OCA2: variants seen among roughly 807,000 people sequenced by gnomAD.
The protein encoded by OCA2 is OCA2 melanosomal transmembrane protein, also known as P protein.
OCA2 carries 77 observed loss-of-function variants against 100.2 expected under a neutral mutation model. The observed-to-expected ratio is 0.77, with a 90% CI of 0.64 to 0.93. OCA2 has a LOEUF of 0.93. OCA2 is among the 40% of genes least tolerant of loss of function. OCA2 has a pLI of 0.00. For missense variants in OCA2, 1,062 were observed against 1,089.1 expected, an observed-to-expected ratio of 0.98 and a Z score of 0.35; for synonymous variants, 432 against 439.2, an observed-to-expected ratio of 0.98 and a Z score of 0.21.
rs139696407 is a variant in OCA2, at chr15:28,026,840, G to A, written c.515+1031C>T. 2.0e-3 allele frequency among the ~76,000 whole-genome samples: 298 copies of A among 152,300 alleles called. 1 individual carries two copies. Among genetic ancestry groups the A allele is most frequent in the Middle Eastern group, 3.4e-3 (1 of 292 alleles). ...GACTGGTCCCCACACACAGAGACAC[G>A]GTGACGCTAATATTTGATGACTAAG... is the stretch of plus-strand genomic sequence containing the variant. On this transcript the variant is annotated intron_variant, in intron 4 of 23. Transcript: ENST00000354638.
intron 2 of OCA2, among the ~76,000 whole-genome samples, chr15:28,033,806 T>G (rs1028311921): frequency 6.6e-6 from 1 of 152,202 alleles, no homozygotes; most frequent in Non-Finnish European, 1.5e-5. Flanking sequence ...CTCCCACCCC[T>G]GTTTCCCATA....
intron 19 of OCA2, among the ~76,000 whole-genome samples, chr15:27,888,992 T>C (rs2037345465): frequency 6.6e-6 from 1 of 152,110 alleles, no homozygotes; most frequent in African/African-American, 2.4e-5. Context: ...TGGAAGCTCA[T>C]AGTGGAGGAA....
intron 19 of OCA2, among the ~76,000 whole-genome samples, chr15:27,876,907 G>C (rs954024273): frequency 2.6e-5 from 4 of 151,428 alleles, no homozygotes; most frequent in African/African-American, 9.7e-5. Flanking sequence ...CTGATCTTAT[G>C]GTTATTAGTT....
chr15:27,728,654 G>A, the OCA2 span, among the ~76,000 whole-genome samples: 175 of 152,216 alleles, frequency 1.1e-3, no homozygotes, highest in Middle Eastern at 0.024. Context: ...TTTCCTTTGC[G>A]GAGATGGCTG....
intron 23 of OCA2, among the ~76,000 whole-genome samples, chr15:27,818,371 AGAGT>A (rs2034385157): frequency 6.6e-6 from 1 of 152,232 alleles, no homozygotes. Flanking sequence ...CCTGGGTAAC[AGAGT>A]GAGACTCCAT....
In OCA2 at chr15:27,841,581, C is replaced by T. The variant is rs1217549678; in HGVS notation, c.2432+3378G>A. Among the ~76,000 whole-genome samples the T allele has an allele frequency of 2.6e-5, 4 of 152,044 alleles. No homozygotes were observed. In the East Asian group the frequency reaches 7.7e-4, roughly 29 times the overall value. On this transcript the variant is annotated intron_variant, in intron 23 of 23. Coordinates refer to ENST00000354638, the MANE Select transcript of OCA2 (RefSeq NM_000275.3). ...GATAAAAATGGAGCTAAAGTTTATC[C>T]ATTTTGACTATAGAATATCTAAAAT...
chr15:27,722,790 C>CTCTCTT, the OCA2 span, among the ~76,000 whole-genome samples: 326 of 144,290 alleles, frequency 2.3e-3, 2 homozygotes, highest in African/African-American at 8.2e-3. Flanking sequence ...TTCTCTCTCT[C>CTCTCTT]TCTCTCTCTC....
chr15:27,930,001 G>A (rs972309972), intron 18 of OCA2, among the ~76,000 whole-genome samples: 1 of 152,086 alleles, frequency 6.6e-6, no homozygotes, highest in Non-Finnish European at 1.5e-5. Context: ...TGTTGACAAG[G>A]AGATGAAGGA....
At chr15:28,099,119 C>G (rs1416570309) in intron 1 of OCA2, 105 bp downstream of exon 1, 2 of 154,968 alleles carry the variant, frequency 1.3e-5, no homozygotes, top group Non-Finnish European at 2.9e-5. Context: ...GCCTTGCTTC[C>G]TAAGCCGCGA....
At chr15:27,907,050 G>A (rs983490063) in intron 19 of OCA2, among the ~76,000 whole-genome samples, 2 of 152,126 alleles carry the variant, frequency 1.3e-5, no homozygotes, top group African/African-American at 4.8e-5. Context: ...GAAGGGATCC[G>A]CCACCATGAC....
chr15:27,980,876 C>A (rs973442247), intron 14 of OCA2, among the ~76,000 whole-genome samples: 6 of 152,116 alleles, frequency 3.9e-5, no homozygotes, highest in African/African-American at 1.4e-4. Flanking sequence ...GTTTCTTGGG[C>A]TCTGGCTTCA....
At chr15:28,029,418 A>G (rs1215585903) in intron 3 of OCA2, among the ~76,000 whole-genome samples, 4 of 152,140 alleles carry the variant, frequency 2.6e-5, no homozygotes, top group Non-Finnish European at 1.5e-5. Context: ...ACAAAAAAAA[A>G]CCTTTTCTTA....
chr15:27,820,195 T>A (rs4778185), intron 23 of OCA2, among the ~76,000 whole-genome samples: 76,126 of 152,014 alleles, frequency 0.5, 19,723 homozygotes, highest in South Asian at 0.76. Context: ...TGTACAAGAA[T>A]CCCAACTATC....
intron 18 of OCA2, among the ~76,000 whole-genome samples, chr15:27,934,956 T>C (rs2703955): frequency 0.49 from 73,722 of 151,978 alleles, 21,547 homozygotes; most frequent in East Asian, 0.79. Context: ...TGCTTGGTAT[T>C]GCCTGGTCCT....
intron 23 of OCA2, among the ~76,000 whole-genome samples, chr15:27,842,773 G>A (rs75799913): frequency 0.014 from 2,123 of 152,298 alleles, 28 homozygotes; most frequent in South Asian, 0.054. Flanking sequence ...CAAGCTTTCT[G>A]AGGCCACCGA....
intron 2 of OCA2, among the ~76,000 whole-genome samples, chr15:28,075,863 G>A (rs1423281992): frequency 1.3e-5 from 2 of 152,188 alleles, no homozygotes; most frequent in African/African-American, 4.8e-5. Flanking sequence ...ACAGATTGAT[G>A]GTTAACAAGT....
chr15:28,043,501 A>G lies in OCA2; in HGVS notation c.228-11338T>C, dbSNP rs1388350721. ...CACAGGTAGTAAAACAGAACATTCG[A>G]TCCTTGGGCTTAAGTAATTCCTCAG... On this transcript the variant is annotated intron_variant, in intron 2 of 23. Coordinates refer to ENST00000354638, the MANE Select transcript of OCA2 (RefSeq NM_000275.3). The surrounding 1 kb of genome is among the most constrained non-coding windows in gnomAD (Gnocchi z 4.4). 2.0e-5 allele frequency among the ~76,000 whole-genome samples: 3 copies of G among 152,200 alleles called. No homozygotes were observed. The highest frequency in any genetic ancestry group is 7.2e-5 in the African/African-American group (3 of 41,446).
intron 23 of OCA2, among the ~76,000 whole-genome samples, chr15:27,787,001 G>A (rs1014611758): frequency 2.0e-5 from 3 of 152,060 alleles, no homozygotes; most frequent in Non-Finnish European, 4.4e-5. Context: ...ATGGGTGTTG[G>A]ATTTTGTCAA....
rs752888326 is a variant in OCA2, at chr15:27,851,447, T to A, written c.2273A>T (p.Asp758Val). Reference protein sequence around the residue: ...MIPVLLNLSHDPEVGLPAPPL... With the variant: ...MIPVLLNLSHVPEVGLPAPPL... ...CGGTGCGGGCAGGCCAACCTCAGGG[T>A]CGTGGCTCAGGTTCAGGAGCACGGG... The change falls in exon 22 of 24, where the codon GAC becomes GTC. Residue 758 changes from aspartate (D) to valine (V), a missense_variant. Coordinates refer to ENST00000354638, the MANE Select transcript of OCA2 (RefSeq NM_000275.3). 19 of 1,613,628 alleles carry A rather than the reference T, an allele frequency of 1.2e-5. No individual in the cohort carries two copies. Among genetic ancestry groups the A allele is most frequent in the Non-Finnish European group, 1.6e-5 (19 of 1,179,934 alleles).
Sources: allele counts gnomAD v4.1 joint callset (sites outside exome capture counted in the v4.1 genomes callset), GRCh38; gene constraint gnomAD v4.1.1; non-coding constraint Gnocchi (gnomAD v3.1); transcripts MANE v1.5; gene names NCBI Gene and HGNC (gene_info 2026-07-23, HGNC 2026-07-21).